ZNF114: variants seen among roughly 807,000 people sequenced by gnomAD.
ZNF114 encodes zinc finger protein 114 (Y18).
Under a neutral mutation model 6.8 loss-of-function variants are expected in ZNF114, and 8 were observed. The ratio of observed to expected loss-of-function variants is 1.18; its 90% CI spans 0.69 to 2.13. ZNF114 has a LOEUF of 2.13. Ranked by LOEUF, ZNF114 falls within the 30% of genes most tolerant of loss-of-function variation. ZNF114 has a pLI of 0.00. For synonymous variants in ZNF114, 169 were observed against 185.5 expected, an observed-to-expected ratio of 0.91 and a Z score of 0.72; for missense variants, 472 against 519.5, an observed-to-expected ratio of 0.91 and a Z score of 0.89.
At position 48,282,416 on chromosome 19, in the gene ZNF114, G is replaced by A; in HGVS notation, c.55G>A (p.Glu19Lys). Residue 19 changes from glutamate (E) to lysine (K), a missense_variant, in exon 5 of 6, where the codon GAG becomes AAG. Transcript: ENST00000595607. ...CGTGGCTGTGAACTTCACCAAAGAG[G>A]AGTGGACCCTGCTGGACCCAGCTCA... The part of the protein sequence containing the change: ...ADVAVNFTKE[E>K]WTLLDPAQRN... 2 of 1,613,666 alleles carry A rather than the reference G, an allele frequency of 1.2e-6. No individual in the cohort carries two copies. The highest frequency in any genetic ancestry group is 1.7e-6 in the Non-Finnish European group (2 of 1,179,774).
rs747148495 is a variant in ZNF114 at position 48,285,780 on chromosome 19, A to G, written c.156A>G (p.Lys52=). 4.5e-5 allele frequency: 73 copies of G among 1,606,782 alleles called. 3 individuals are homozygous for G. The South Asian group carries it at 7.9e-4, about 17-fold the overall frequency. Residue 52 remains lysine, a synonymous_variant, in exon 6 of 6, where the codon AAA becomes AAG. Transcript: ENST00000595607. ...LAFIDWATPC[K]TKDATPQPDI... is the part of the protein sequence containing the mutation. ...TTTCAGATTGGGCAACTCCATGTAA[A>G]ACCAAAGACGCAACCCCTCAGCCGG...
chr19:48,270,760 AG>A (rs1967634976), intron 1 of ZNF114, among the ~76,000 whole-genome samples: 2 of 76,944 alleles, frequency 2.6e-5, no homozygotes, highest in African/African-American at 8.7e-5. Flanking sequence ...AAGAGAAAAA[AG>A]AGAAAGAAAG....
In ZNF114 at chr19:48,286,241, C is replaced by T; in HGVS notation, c.617C>T (p.Thr206Ile). 3.7e-6 allele frequency: 6 copies of T among 1,614,174 alleles called. No homozygotes were observed. The highest frequency in any genetic ancestry group is 5.1e-6 in the Non-Finnish European group (6 of 1,180,024). Residue 206 changes from threonine to isoleucine, a missense_variant, in exon 6 of 6, where the codon ACT becomes ATT. Transcript: ENST00000595607. Reference protein sequence around the residue: ...KSSTWTGSQNTVHHIRDEIDT... With the variant: ...KSSTWTGSQNIVHHIRDEIDT... ...AGCACATGGACTGGCAGTCAGAACA[C>T]TGTGCATCATATACGTGATGAAATT... is the stretch of plus-strand genomic sequence containing the variant.
At position 48,275,457 on chromosome 19, in the gene ZNF114, C is replaced by CACACACACACACACACAA. The variant is rs1181746572; in HGVS notation, c.-70+3630_-70+3631insCACACACACACACACAAA. Among the ~76,000 whole-genome samples, 110 of 144,666 alleles carry CACACACACACACACACAA rather than the reference C, an allele frequency of 7.6e-4. 2 individuals are homozygous for CACACACACACACACACAA. Among genetic ancestry groups the CACACACACACACACACAA allele is most frequent in the African/African-American group, 2.7e-3 (108 of 39,530 alleles). 94.9% of individuals were successfully genotyped at this position (144,666 alleles called of 152,430 possible). A position where few individuals can be genotyped will look rare whatever the true frequency, so the allele number is the denominator to read the frequency against. ...ACACACACACACACACACACACACA[C>CACACACACACACACACAA]AAAATAGCCAGGCGTGGTGGTGGTC... On this transcript the variant is annotated intron_variant, in intron 3 of 5. Coordinates refer to ENST00000595607, the MANE Select transcript of ZNF114 (RefSeq NM_153608.4).
chr19:48,281,168 G>A (rs1017829569), intron 4 of ZNF114, among the ~76,000 whole-genome samples: 7 of 152,064 alleles, frequency 4.6e-5, no homozygotes, highest in East Asian at 1.9e-4. Flanking sequence ...TGAGTCATAC[G>A]ACCGGACGTC....
chr19:48,271,096 A>G (rs1967644367), intron 1 of ZNF114, 149 bp from the exon 2 acceptor site: 1 of 152,004 alleles, frequency 6.6e-6, no homozygotes. Context: ...GAAGGAAGGA[A>G]GAAAAAAATC....
At chr19:48,282,602 G>C in intron 5 of ZNF114, 105 bp downstream of exon 5, 1 of 1,386,412 alleles carries the variant, frequency 7.2e-7, no homozygotes, top group Non-Finnish European at 9.6e-7. Flanking sequence ...TTAAATTCCA[G>C]AGACACAGCT....
intron 3 of ZNF114, among the ~76,000 whole-genome samples, chr19:48,273,757 C>CTTT (rs779316334): frequency 8.7e-5 from 11 of 127,094 alleles, no homozygotes; most frequent in African/African-American, 2.4e-4. Context: ...TGGGGCTTTT[C>CTTT]TTTTTTTTTT....
Position 48,282,454 on chromosome 19 carries a change from C to G in ZNF114, c.93C>G (p.Tyr31Ter). ...TGGACCCAGCTCAGAGGAATCTCTA[C>G]AGAGACGTGATGCTGGAAAATTCTA... The part of the protein sequence containing the change: ...TLLDPAQRNL[Y>*]RDVMLENSRN... The change falls in exon 5 of 6, where the codon TAC (tyrosine) becomes TAG (stop). Residue 31 changes from tyrosine to a stop codon, truncating the protein, a stop_gained. Coordinates refer to ENST00000595607, the MANE Select transcript of ZNF114 (RefSeq NM_153608.4). LOFTEE classifies it low-confidence loss of function (END_TRUNC). The G allele has an allele frequency of 1.2e-6, 2 of 1,612,118 alleles. No individual in the cohort carries two copies. Among genetic ancestry groups the G allele is most frequent in the Non-Finnish European group, 1.7e-6 (2 of 1,178,778 alleles).
rs1247926926 is a variant in ZNF114 at position 48,286,525 on chromosome 19, G to C, written c.901G>C (p.Glu301Gln). The change falls in exon 6 of 6, where the codon GAG (glutamate) becomes CAG (glutamine). Residue 301 changes from glutamate (E) to glutamine (Q), a missense_variant. Physicochemically the swap from Glu to Gln is conservative, Grantham distance 29 (BLOSUM62 2). Coordinates refer to ENST00000595607, the MANE Select transcript of ZNF114 (RefSeq NM_153608.4). ...SGSHKSHCTGEKTHKCPECGR... is the reference protein window; with the variant it reads ...SGSHKSHCTGQKTHKCPECGR... ...TTCACACAAGAGTCATTGCACTGGA[G>C]AGAAAACCCATAAATGCCCCGAATG... 1 of 1,614,132 alleles carries C rather than the reference G, an allele frequency of 6.2e-7. No homozygotes were observed. The highest frequency in any genetic ancestry group is 1.7e-5 in the Admixed American group (1 of 60,016).
chr19:48,281,167 C>T (rs1056095827), intron 4 of ZNF114, among the ~76,000 whole-genome samples: 4 of 152,084 alleles, frequency 2.6e-5, no homozygotes, highest in African/African-American at 7.2e-5. Context: ...CTGAGTCATA[C>T]GACCGGACGT....
chr19:48,275,285 G>A (rs1469730046), intron 3 of ZNF114, among the ~76,000 whole-genome samples: 3 of 149,152 alleles, frequency 2.0e-5, no homozygotes, highest in Non-Finnish European at 4.5e-5. Flanking sequence ...GAGGGAGGGA[G>A]ACAGAAACAT....
At chr19:48,280,699 C>T (rs1967966162) in intron 4 of ZNF114, among the ~76,000 whole-genome samples, 1 of 151,936 alleles carries the variant, frequency 6.6e-6, no homozygotes, top group African/African-American at 2.4e-5. Context: ...ATTACAGGCA[C>T]CTGCCAGCAC....
At position 48,287,515 on chromosome 19, in the gene ZNF114, GA is replaced by G. The variant is rs1030543283; in HGVS notation, c.*640del. 4.6e-5 allele frequency: 7 copies of G among 151,576 alleles called. No individual in the cohort carries two copies. Among genetic ancestry groups the G allele is most frequent in the African/African-American group, 1.7e-4 (7 of 41,256 alleles). The allele number at this position is 151,576 out of a possible 1,614,324, so 9.4% of individuals were successfully genotyped here. ...CCGTCTCAAAAAAAAAAAAAAGTAG[GA>G]AAGACCTCTTTAAACACTTACCACT... On this transcript the variant is annotated 3_prime_UTR_variant, in exon 6 of 6. Transcript: ENST00000595607.
In ZNF114 at chr19:48,282,420, G is replaced by A. The variant is rs374710014; in HGVS notation, c.59G>A (p.Trp20Ter). ...GCTGTGAACTTCACCAAAGAGGAGT[G>A]GACCCTGCTGGACCCAGCTCAGAGG... ...DVAVNFTKEE[W>*]TLLDPAQRNL... is the part of the protein sequence containing the mutation. The change falls in exon 5 of 6, where the codon TGG becomes TAG. Residue 20 changes from tryptophan to a stop codon, truncating the protein, a stop_gained. Coordinates refer to ENST00000595607, the MANE Select transcript of ZNF114 (RefSeq NM_153608.4). LOFTEE classifies it high-confidence loss of function. The A allele has an allele frequency of 3.1e-5, 50 of 1,613,334 alleles. No homozygotes were observed. The Middle Eastern group carries it at 4.9e-4, about 16-fold the overall frequency.
intron 3 of ZNF114, among the ~76,000 whole-genome samples, chr19:48,273,058 G>C (rs1967719913): frequency 6.6e-6 from 1 of 152,338 alleles, no homozygotes; most frequent in African/African-American, 2.4e-5. Flanking sequence ...GCCTCCCAAA[G>C]GGCTGGGATT....
At chr19:48,273,422 T>TG (rs1967730601) in intron 3 of ZNF114, among the ~76,000 whole-genome samples, 1 of 85,172 alleles carries the variant, frequency 1.2e-5, no homozygotes, top group Non-Finnish European at 2.6e-5. Context: ...TTTTCTTTTC[T>TG]TTTCTGTTTT....
intron 4 of ZNF114, among the ~76,000 whole-genome samples, chr19:48,280,097 C>G (rs1426053095): frequency 6.6e-6 from 1 of 152,146 alleles, no homozygotes; most frequent in African/African-American, 2.4e-5. Context: ...CTGAAAGTGT[C>G]TTTGGTGGGG....
chr19:48,282,190 G>A (rs1423982843), intron 4 of ZNF114, 181 bp from the exon 5 acceptor site: 30 of 724,276 alleles, frequency 4.1e-5, no homozygotes, highest in Non-Finnish European at 4.2e-5. Flanking sequence ...GAGCCACCGC[G>A]CCCGGCCACA....
Sources: gnomAD v4.1 joint callset for allele counts (sites outside exome capture counted in the v4.1 genomes callset) on GRCh38, gnomAD v4.1.1 for gene constraint, MANE v1.5 for transcripts, NCBI Gene and HGNC (gene_info 2026-07-23, HGNC 2026-07-21) for gene names.